The following DNER variants were observed in gnomAD, a reference collection of about 807,000 sequenced individuals.
DNER encodes the protein delta/notch like EGF repeat containing, also known as delta and Notch-like epidermal growth factor-related receptor.
A neutral mutation model predicts 78.2 loss-of-function variants in DNER; 33 were observed. The observed-to-expected ratio is 0.42, with a 90% CI of 0.32 to 0.56. DNER has a LOEUF of 0.56. DNER is among the 20% of genes least tolerant of loss of function. The pLI is 0.11. For missense variants in DNER, 918 were observed against 975.3 expected (o/e 0.94, Z 0.78); for synonymous variants, 417 against 384.8 (o/e 1.08, Z -0.98).
chr2:229,642,439 G>A (rs1374624858), intron 1 of DNER, among the ~76,000 whole-genome samples: 2 of 152,192 alleles, frequency 1.3e-5, no homozygotes, highest in Non-Finnish European at 2.9e-5. Context: ...GGGAAAAAAA[G>A]CAAAGTGAAA....
chr2:229,511,314 T>C (rs1245670456), intron 6 of DNER, among the ~76,000 whole-genome samples: 1 of 152,236 alleles, frequency 6.6e-6, no homozygotes, highest in Non-Finnish European at 1.5e-5. Context: ...ACTTGGTGTT[T>C]GCTTTTAAGA....
chr2:229,516,431 C>A (rs891998744), intron 5 of DNER, among the ~76,000 whole-genome samples: 1 of 152,048 alleles, frequency 6.6e-6, no homozygotes, highest in African/African-American at 2.4e-5. Context: ...GCATAAGGGA[C>A]AAAATAAACT....
chr2:229,596,137 A>G (rs1436330105), intron 1 of DNER, among the ~76,000 whole-genome samples: 1 of 152,186 alleles, frequency 6.6e-6, no homozygotes, highest in Non-Finnish European at 1.5e-5. Context: ...GCCCTAGAAC[A>G]GTGCCCAGCA....
chr2:229,621,351 A>C (rs1238846654), intron 1 of DNER, among the ~76,000 whole-genome samples: 3 of 152,180 alleles, frequency 2.0e-5, no homozygotes, highest in African/African-American at 7.2e-5. Context: ...AGTCCACTGG[A>C]TTCTCATTGA....
At chr2:229,366,624 G>T (rs2106326230) in intron 12 of DNER, among the ~76,000 whole-genome samples, 1 of 152,236 alleles carries the variant, frequency 6.6e-6, no homozygotes, top group African/African-American at 2.4e-5. Context: ...TAGTCACAGA[G>T]CAACCCAAAT....
chr2:229,573,994 A>G (rs1697255278), intron 4 of DNER, among the ~76,000 whole-genome samples: 1 of 152,152 alleles, frequency 6.6e-6, no homozygotes. Context: ...GTTAATGATC[A>G]CTGTTTTTTC....
At chr2:229,522,639 A>T (rs1465200470) in intron 5 of DNER, among the ~76,000 whole-genome samples, 1 of 152,236 alleles carries the variant, frequency 6.6e-6, no homozygotes, top group African/African-American at 2.4e-5. Flanking sequence ...ACTTTAAGAA[A>T]TGAAAATTGT....
At chr2:229,497,942 C>T (rs184200188) in intron 6 of DNER, among the ~76,000 whole-genome samples, 123 of 151,816 alleles carry the variant, frequency 8.1e-4, no homozygotes, top group Non-Finnish European at 1.4e-3. Context: ...AGAAGGCCAG[C>T]GTTACCCTGA....
At chr2:229,432,077 G>C (rs1694018094) in intron 8 of DNER, among the ~76,000 whole-genome samples, 1 of 152,040 alleles carries the variant, frequency 6.6e-6, no homozygotes, top group Non-Finnish European at 1.5e-5. Context: ...AAAGCACCAA[G>C]ATTAAATACT....
At chr2:229,474,552 G>A (rs1222267248) in intron 7 of DNER, among the ~76,000 whole-genome samples, 1 of 152,128 alleles carries the variant, frequency 6.6e-6, no homozygotes, top group Non-Finnish European at 1.5e-5. Context: ...AAGGAGAAGG[G>A]TTCCTAGATC....
chr2:229,584,318 C>T (rs547468498), intron 4 of DNER, among the ~76,000 whole-genome samples: 4 of 152,112 alleles, frequency 2.6e-5, no homozygotes, highest in Admixed American at 2.6e-4. Context: ...TATAGTCAGA[C>T]AGGAGAAGGA....
chr2:229,614,862 A>G (rs998094803), intron 1 of DNER, among the ~76,000 whole-genome samples: 3 of 152,128 alleles, frequency 2.0e-5, no homozygotes, highest in African/African-American at 4.8e-5. Flanking sequence ...ATTAATATTT[A>G]CCTCCCATTA....
intron 8 of DNER, among the ~76,000 whole-genome samples, chr2:229,421,790 C>A (rs1025526223): frequency 2.0e-5 from 3 of 151,896 alleles, no homozygotes; most frequent in Non-Finnish European, 4.4e-5. Context: ...CCAGCAGCAC[C>A]TTTTCAATTG....
In DNER at chr2:229,590,782, A is replaced by G. The variant is rs546625889; in HGVS notation, c.585+798T>C. ...AGGCTGTGAGAAATAAATGTCTGTGATATGATTTGGATCTGTGTCTTCAAA... is the reference window on the plus strand; with the variant it reads ...AGGCTGTGAGAAATAAATGTCTGTGGTATGATTTGGATCTGTGTCTTCAAA... On this transcript the variant is annotated intron_variant, in intron 2 of 12. Transcript: ENST00000341772. Among the ~76,000 whole-genome samples, 16 of 152,324 alleles carry G rather than the reference A, an allele frequency of 1.1e-4. No homozygotes were observed. In the East Asian group the frequency reaches 2.1e-3, roughly 20 times the overall value.
rs142197652 is a variant in DNER, at chr2:229,395,854, C to T, written c.1724-7458G>A. Among the ~76,000 whole-genome samples the T allele has an allele frequency of 9.0e-4, 137 of 152,108 alleles. 1 individual carries two copies. Among genetic ancestry groups the T allele is most frequent in the African/African-American group, 3.1e-3 (129 of 41,496 alleles). Reference sequence around the variant, plus strand: ...CGGAGGTTGCAGTGAGCGGAGATGGCGCCATTGCACTCCAGCCTGGGTGAC... The same window carrying T: ...CGGAGGTTGCAGTGAGCGGAGATGGTGCCATTGCACTCCAGCCTGGGTGAC... On this transcript the variant is annotated intron_variant, in intron 10 of 12. Transcript: ENST00000341772.
intron 12 of DNER, among the ~76,000 whole-genome samples, chr2:229,361,728 T>C (rs1358975809): frequency 6.6e-6 from 1 of 152,078 alleles, no homozygotes; most frequent in Non-Finnish European, 1.5e-5. Context: ...GAAAGTATTA[T>C]ATATAATAAT....
At chr2:229,471,395 C>T (rs979009740) in intron 7 of DNER, among the ~76,000 whole-genome samples, 14 of 151,992 alleles carry the variant, frequency 9.2e-5, no homozygotes, top group Admixed American at 1.3e-4. Flanking sequence ...GAGCTTGTTG[C>T]AGTGGAATTT....
chr2:229,647,992 T>C (rs1250338431), intron 1 of DNER, among the ~76,000 whole-genome samples: 2 of 152,170 alleles, frequency 1.3e-5, no homozygotes, highest in African/African-American at 2.4e-5. Flanking sequence ...TGCACATTTA[T>C]AAGGAGAAAA....
At chr2:229,684,173 T>A (rs867542944) in intron 1 of DNER, among the ~76,000 whole-genome samples, 3,421 of 123,092 alleles carry the variant, frequency 0.028, 42 homozygotes, top group African/African-American at 0.066. Flanking sequence ...AGAGAGAGTG[T>A]GTGTGTGTGT....
Sources: gnomAD v4.1 joint callset for allele counts (sites outside exome capture counted in the v4.1 genomes callset) on GRCh38, gnomAD v4.1.1 for gene constraint, MANE v1.5 for transcripts, NCBI Gene and HGNC (gene_info 2026-07-23, HGNC 2026-07-21) for gene names.